GOSR2: variants seen among roughly 807,000 people sequenced by gnomAD.
GOSR2 encodes the protein golgi SNAP receptor complex member 2.
Under a neutral mutation model 27.9 loss-of-function variants are expected in GOSR2, and 20 were observed. That is an observed-to-expected ratio of 0.72 (90% CI 0.50 to 1.04). GOSR2 has a LOEUF of 1.04. Ranked by LOEUF, GOSR2 falls within the 50% of genes least tolerant of loss-of-function variation. The pLI is 0.00. For missense variants in GOSR2, 261 were observed against 270.5 expected (o/e 0.97, Z 0.25); for synonymous variants, 91 against 98.8 (o/e 0.92, Z 0.47).
At chr17:46,946,661 G>A (rs8065527), downstream of GOSR2, among the ~76,000 whole-genome samples, 42,205 of 152,000 alleles carry the variant, frequency 0.28, 6,750 homozygotes, top group South Asian at 0.45. Flanking sequence ...CCAGGAGTTC[G>A]AGACCAGCCT....
At chr17:46,973,629 C>T (rs957509966) in intron 6 of GOSR2, among the ~76,000 whole-genome samples, 5 of 152,158 alleles carry the variant, frequency 3.3e-5, no homozygotes, top group Non-Finnish European at 7.3e-5. Flanking sequence ...GCAATGCTGT[C>T]ATCTCAGAGG....
At chr17:46,948,123 A>T (rs2090059547) in intron 6 of GOSR2, among the ~76,000 whole-genome samples, 2 of 152,216 alleles carry the variant, frequency 1.3e-5, no homozygotes, top group Admixed American at 1.3e-4. Context: ...GGAGTCAAGC[A>T]GGTGGAGTGT....
At chr17:46,960,612 T>A (rs538286136) in intron 6 of GOSR2, among the ~76,000 whole-genome samples, 2 of 152,310 alleles carry the variant, frequency 1.3e-5, no homozygotes, top group Non-Finnish European at 2.9e-5. Context: ...ATCCTTCAAC[T>A]GAAGACAGAT....
intron 6 of GOSR2, among the ~76,000 whole-genome samples, chr17:46,962,119 A>T (rs532083478): frequency 6.6e-6 from 1 of 152,276 alleles, no homozygotes; most frequent in Admixed American, 6.5e-5. Context: ...TGAAGTCAGA[A>T]GCTCGAGACC....
intron 6 of GOSR2, among the ~76,000 whole-genome samples, chr17:46,956,964 A>T (rs915452743): frequency 6.6e-6 from 1 of 152,232 alleles, no homozygotes; most frequent in Non-Finnish European, 1.5e-5. Context: ...AAATAGCTGC[A>T]TAAAGGTTGC....
At chr17:46,964,049 G>A (rs2091209748) in intron 6 of GOSR2, 1 of 152,240 alleles carries the variant, frequency 6.6e-6, no homozygotes, top group South Asian at 2.1e-4. Flanking sequence ...CTGACCTCAA[G>A]TGATTCTCCC....
At position 46,939,577 on chromosome 17, in the gene GOSR2, G is replaced by C; in HGVS notation, c.*817G>C. On this transcript the variant is annotated 3_prime_UTR_variant, in exon 6 of 6. Transcript: ENST00000640051. ...CCCTTAGAAAGTAGCTGTAGGCAAA[G>C]ATTTGTGATTTTCCAATTACAGTCT... 1 of 985,396 alleles carries C rather than the reference G, an allele frequency of 1.0e-6. No individual in the cohort carries two copies. The highest frequency in any genetic ancestry group is 1.2e-6 in the Non-Finnish European group (1 of 829,880). 61.0% of individuals were successfully genotyped at this position (985,396 alleles called of 1,614,324 possible).
chr17:46,929,513 T>C lies in GOSR2; in HGVS notation c.30-7T>C. The C allele has an allele frequency of 6.7e-7, 1 of 1,498,482 alleles. No individual in the cohort carries two copies. Among genetic ancestry groups the C allele is most frequent in the Non-Finnish European group, 9.3e-7 (1 of 1,074,660 alleles). 92.8% of individuals were successfully genotyped at this position (1,498,482 alleles called of 1,614,324 possible). On this transcript the variant is annotated splice_polypyrimidine_tract_variant and splice_region_variant and intron_variant, in intron 1 of 5. Coordinates refer to ENST00000640051, the MANE Select transcript of GOSR2 (RefSeq NM_004287.5). ...TCTCACTCATTTCCTCCCTCTTCCT[T>C]TGATAGGCAGGTCCACGAGATCCAG...
chr17:46,942,035 A>C, downstream of GOSR2: 2 of 776,014 alleles, frequency 2.6e-6, no homozygotes, highest in Non-Finnish European at 3.1e-6. Context: ...AGTCCAAAAA[A>C]GATTTGAGGA....
downstream of GOSR2, among the ~76,000 whole-genome samples, chr17:46,969,918 T>C (rs114453268): frequency 4.1e-4 from 63 of 152,172 alleles, no homozygotes; most frequent in African/African-American, 1.5e-3. Flanking sequence ...AACTCCCACC[T>C]CTGCCCCAGC....
intron 5 of GOSR2, chr17:46,935,582 T>A: frequency 9.0e-7 from 1 of 1,115,368 alleles, no homozygotes; most frequent in Non-Finnish European, 1.1e-6. Flanking sequence ...GACTGCCTTA[T>A]AACTAAAACC....
At chr17:46,931,515 A>C in intron 3 of GOSR2, 1 of 434,280 alleles carries the variant, frequency 2.3e-6, no homozygotes, top group African/African-American at 2.0e-5. Context: ...GTTGCCATGG[A>C]GTTTTGTTCT....
At chr17:46,936,539 G>A (rs1161383510) in intron 5 of GOSR2, 12 of 985,442 alleles carry the variant, frequency 1.2e-5, no homozygotes, top group Admixed American at 1.2e-4. Flanking sequence ...TGCCTCCGTC[G>A]GGATTTTCCA....
At chr17:46,965,945 T>G (rs899150449) in intron 6 of GOSR2, among the ~76,000 whole-genome samples, 1 of 152,098 alleles carries the variant, frequency 6.6e-6, no homozygotes, top group Non-Finnish European at 1.5e-5. Flanking sequence ...TGACTTTTCT[T>G]TAATATGTCC....
intron 6 of GOSR2, among the ~76,000 whole-genome samples, chr17:46,954,488 C>T (rs1475593054): frequency 1.3e-5 from 2 of 151,858 alleles, no homozygotes; most frequent in South Asian, 4.2e-4. Context: ...CAGCTTTGTT[C>T]TTTTGGCCTT....
chr17:46,973,865 G>A (rs1282124172), intron 6 of GOSR2, among the ~76,000 whole-genome samples: 4 of 152,090 alleles, frequency 2.6e-5, no homozygotes, highest in South Asian at 4.2e-4. Flanking sequence ...ATGCTGGATG[G>A]GGGCCATTTC....
chr17:46,955,382 G>A (rs2090641348), intron 6 of GOSR2: 1 of 152,024 alleles, frequency 6.6e-6, no homozygotes, highest in African/African-American at 2.4e-5. Context: ...GATCATGGTG[G>A]ATAAGCTTTT....
At chr17:46,931,423 C>A (rs1380128002) in intron 3 of GOSR2, 17 of 582,050 alleles carry the variant, frequency 2.9e-5, no homozygotes, top group Non-Finnish European at 3.4e-5. Flanking sequence ...AACCTTGTGA[C>A]CCCTTACCTC....
downstream of GOSR2, among the ~76,000 whole-genome samples, chr17:46,943,404 T>C (rs990751386): frequency 1.3e-5 from 2 of 152,202 alleles, no homozygotes; most frequent in Non-Finnish European, 2.9e-5. Context: ...CTCCCTGGAC[T>C]GCTTGGTCTT....
Sources: allele counts gnomAD v4.1 joint callset (sites outside exome capture counted in the v4.1 genomes callset), GRCh38; gene constraint gnomAD v4.1.1; transcripts MANE v1.5; gene names NCBI Gene and HGNC (gene_info 2026-07-23, HGNC 2026-07-21).